GABRA3: variants seen among roughly 807,000 people sequenced by gnomAD.
GABRA3 encodes the protein gamma-aminobutyric acid type A receptor subunit alpha3.
A neutral mutation model predicts 30.1 loss-of-function variants in GABRA3; 10 were observed. The ratio of observed to expected loss-of-function variants is 0.33; its 90% CI spans 0.20 to 0.56. The LOEUF (loss-of-function observed/expected upper bound fraction) is 0.56. Ranked by LOEUF, GABRA3 falls within the 20% of genes least tolerant of loss-of-function variation. The pLI, the probability that GABRA3 is intolerant of heterozygous loss-of-function variation, is 0.89. For missense variants in GABRA3, 233 were observed against 392.0 expected, an observed-to-expected ratio of 0.59 and a Z score of 3.42; for synonymous variants, 151 against 146.8, an observed-to-expected ratio of 1.03 and a Z score of -0.21.
chrX:152,236,110 C>T (rs868568113), intron 5 of GABRA3, among the ~76,000 whole-genome samples: 1 of 91,726 alleles, frequency 1.1e-5, no homozygotes, highest in Admixed American at 1.2e-4. Context: ...CGTCATCTAG[C>T]ATTAGGTATA....
In GABRA3 at chrX:152,189,820, A is replaced by G. The variant is rs752032476; in HGVS notation, c.1053T>C (p.Ser351=). The G allele has an allele frequency of 3.1e-5, 38 of 1,207,837 alleles. No homozygotes were observed. In the East Asian group the frequency reaches 5.3e-4, roughly 17 times the overall value. Residue 351 remains serine, a synonymous_variant, in exon 9 of 10, where the codon TCT becomes TCC. Coordinates refer to ENST00000370314, the MANE Select transcript of GABRA3 (RefSeq NM_000808.4). ...TGACAGTGGCAAATTCAATCAGTGC[A>G]GAAAATACAAAGGCATAACAGACGG... The part of the protein sequence containing the change: ...FIAVCYAFVF[S]ALIEFATVNY...
intron 5 of GABRA3, among the ~76,000 whole-genome samples, chrX:152,230,731 T>C (rs1295958296): frequency 9.0e-6 from 1 of 111,286 alleles, no homozygotes; most frequent in Non-Finnish European, 1.9e-5. Context: ...TTTCTCAATG[T>C]TTCTAGGAGA....
chrX:152,206,171 C>T (rs962428093), intron 7 of GABRA3, among the ~76,000 whole-genome samples: 1 of 112,714 alleles, frequency 8.9e-6, no homozygotes, highest in Non-Finnish European at 1.9e-5. Flanking sequence ...CTTGCTCACT[C>T]TGAGGAGGAA....
At chrX:152,211,032 G>A (rs1199509492) in intron 6 of GABRA3, among the ~76,000 whole-genome samples, 1 of 110,699 alleles carries the variant, frequency 9.0e-6, no homozygotes, top group Non-Finnish European at 1.9e-5. Context: ...TAGTACATAT[G>A]CTTGGGGTAC....
chrX:152,417,485 G>T (rs1329496057), intron 1 of GABRA3, among the ~76,000 whole-genome samples: 1 of 107,501 alleles, frequency 9.3e-6, no homozygotes, highest in Admixed American at 1.0e-4. Flanking sequence ...CAGGGATCTA[G>T]AACTGGAAAT....
In GABRA3 at chrX:152,285,260, A is replaced by G. The variant is rs145245277; in HGVS notation, c.263-525T>C. Among the ~76,000 whole-genome samples, 258 of 112,309 alleles carry G rather than the reference A, an allele frequency of 2.3e-3. 2 individuals carry two copies. Among genetic ancestry groups the G allele is most frequent in the African/African-American group, 8.0e-3 (249 of 30,991 alleles). ...TAAAAACACACATTGCTGTGGTGCT[A>G]CAATAAAATTGAAAAAGTCTGGAAT... On this transcript the variant is annotated intron_variant, in intron 3 of 9. Coordinates refer to ENST00000370314, the MANE Select transcript of GABRA3 (RefSeq NM_000808.4).
chrX:152,335,400 G>C (rs1940219190), intron 3 of GABRA3, among the ~76,000 whole-genome samples: 1 of 111,569 alleles, frequency 9.0e-6, no homozygotes, highest in South Asian at 3.7e-4. Flanking sequence ...AGAAGTTCAA[G>C]CCTAGGGGTG....
intron 9 of GABRA3, among the ~76,000 whole-genome samples, chrX:152,182,338 G>A (rs1937162759): frequency 1.1e-5 from 1 of 94,512 alleles, no homozygotes; most frequent in Non-Finnish European, 2.1e-5. Context: ...CACACACACA[G>A]TGTATGTATA....
At chrX:152,361,371 G>A (rs1373280134) in intron 2 of GABRA3, among the ~76,000 whole-genome samples, 2 of 108,638 alleles carry the variant, frequency 1.8e-5, no homozygotes, top group South Asian at 4.1e-4. Flanking sequence ...TCAGGGGTTC[G>A]AAACCAGCCT....
chrX:152,356,279 G>T (rs755539273), intron 2 of GABRA3, among the ~76,000 whole-genome samples: 48 of 112,161 alleles, frequency 4.3e-4, no homozygotes, highest in Non-Finnish European at 2.8e-4. Context: ...TCAAGCACAT[G>T]AGTTATACAA....
intron 7 of GABRA3, among the ~76,000 whole-genome samples, chrX:152,200,185 C>T (rs1024097910): frequency 5.4e-5 from 6 of 111,862 alleles, no homozygotes; most frequent in Non-Finnish European, 3.8e-5. Context: ...AAGACCCTTG[C>T]GATATGCCTG....
chrX:152,327,756 T>C (rs992195323), intron 3 of GABRA3, among the ~76,000 whole-genome samples: 7 of 111,283 alleles, frequency 6.3e-5, no homozygotes, highest in African/African-American at 2.3e-4. Context: ...GCAGGAAAGA[T>C]CTAAAATTGA....
chrX:152,320,504 T>C (rs1244819651), intron 3 of GABRA3, among the ~76,000 whole-genome samples: 1 of 111,469 alleles, frequency 9.0e-6, no homozygotes, highest in Non-Finnish European at 1.9e-5. Context: ...TTCTCACTCA[T>C]AAATGGGAGC....
At chrX:152,438,817 G>A (rs1930844155) in intron 1 of GABRA3, among the ~76,000 whole-genome samples, 1 of 111,593 alleles carries the variant, frequency 9.0e-6, no homozygotes, top group Admixed American at 9.5e-5. Flanking sequence ...AGAGGTTCAG[G>A]CTGGAGGGAG....
intron 8 of GABRA3, among the ~76,000 whole-genome samples, chrX:152,194,556 CTTA>C (rs1336490912): frequency 2.7e-5 from 3 of 110,778 alleles, no homozygotes; most frequent in African/African-American, 9.8e-5. Flanking sequence ...AGTTCTTTTC[CTTA>C]TTGTTATTAT....
chrX:152,170,783 T>C, intron 9 of GABRA3, among the ~76,000 whole-genome samples: 1 of 112,274 alleles, frequency 8.9e-6, no homozygotes, highest in Non-Finnish European at 1.9e-5. Flanking sequence ...GCCTCAGTGT[T>C]TTCAGTCATG....
At chrX:152,391,635 G>T (rs774585022) in intron 1 of GABRA3, among the ~76,000 whole-genome samples, 1 of 111,555 alleles carries the variant, frequency 9.0e-6, no homozygotes, top group Non-Finnish European at 1.9e-5. Context: ...GGTGGAAATA[G>T]AATAGTAGTC....
At chrX:152,351,103 T>C (rs1220998632) in intron 2 of GABRA3, among the ~76,000 whole-genome samples, 1 of 111,938 alleles carries the variant, frequency 8.9e-6, no homozygotes, top group African/African-American at 3.2e-5. Context: ...GGATTTAGCA[T>C]AATTCTTAAG....
chrX:152,239,769 G>A (rs1351938028), intron 5 of GABRA3, among the ~76,000 whole-genome samples: 1 of 103,894 alleles, frequency 9.6e-6, no homozygotes, highest in Admixed American at 1.0e-4. Context: ...TGTCTCTTTT[G>A]ATCTTTGTTG....
Sources: allele counts gnomAD v4.1 joint callset (sites outside exome capture counted in the v4.1 genomes callset), GRCh38; gene constraint gnomAD v4.1.1; transcripts MANE v1.5; gene names NCBI Gene and HGNC (gene_info 2026-07-23, HGNC 2026-07-21).